Variants in CAMTA1 observed in about 807,000 individuals in gnomAD.
CAMTA1 encodes calmodulin-binding transcription activator 1.
CAMTA1 carries 27 observed loss-of-function variants against 170.9 expected under a neutral mutation model. That is an observed-to-expected ratio of 0.16 (90% confidence interval 0.12 to 0.22). The LOEUF (loss-of-function observed/expected upper bound fraction) is 0.22. Ranked by LOEUF, CAMTA1 falls within the 10% of genes least tolerant of loss-of-function variation. The pLI, the probability that CAMTA1 is intolerant of heterozygous loss-of-function variation, is 1.00. For synonymous variants in CAMTA1, 833 were observed against 891.5 expected (o/e 0.93, Z 1.17); for missense variants, 1,619 against 2,217.2 (o/e 0.73, Z 5.42).
At chr1:7,433,614 G>A (rs1409884056) in intron 5 of CAMTA1, among the ~76,000 whole-genome samples, 4 of 152,248 alleles carry the variant, frequency 2.6e-5, no homozygotes, top group Non-Finnish European at 4.4e-5. Context: ...GGAACCCCCA[G>A]AGAACACTGC....
chr1:7,525,090 C>T (rs956372813), intron 6 of CAMTA1, among the ~76,000 whole-genome samples: 1 of 152,216 alleles, frequency 6.6e-6, no homozygotes, highest in Non-Finnish European at 1.5e-5. Flanking sequence ...CGGCCCCCGT[C>T]GCGCTGCATG....
chr1:7,109,145 G>A (rs1332393624), intron 4 of CAMTA1, among the ~76,000 whole-genome samples: 1 of 152,216 alleles, frequency 6.6e-6, no homozygotes, highest in African/African-American at 2.4e-5. Flanking sequence ...GAGTCTTTTT[G>A]AAAATAAATC....
intron 3 of CAMTA1, among the ~76,000 whole-genome samples, chr1:6,902,565 G>A (rs766644718): frequency 3.3e-5 from 5 of 152,192 alleles, no homozygotes; most frequent in Admixed American, 6.5e-5. Flanking sequence ...TTACAGAAGA[G>A]CACAAGGGAA....
At chr1:7,280,363 C>T (rs1671332903) in intron 5 of CAMTA1, among the ~76,000 whole-genome samples, 1 of 152,214 alleles carries the variant, frequency 6.6e-6, no homozygotes, top group African/African-American at 2.4e-5. Context: ...TCCCAAGCTC[C>T]CTGCTTATAG....
intron 6 of CAMTA1, among the ~76,000 whole-genome samples, chr1:7,560,742 G>A (rs917106241): frequency 6.6e-6 from 1 of 152,160 alleles, no homozygotes; most frequent in Non-Finnish European, 1.5e-5. Flanking sequence ...TGGCTCATGC[G>A]ACTGCCTAGG....
intron 4 of CAMTA1, among the ~76,000 whole-genome samples, chr1:7,095,226 C>A (rs2148177773): frequency 6.6e-6 from 1 of 152,286 alleles, no homozygotes; most frequent in Admixed American, 6.5e-5. Flanking sequence ...GGGGCTTGTT[C>A]ATGGGGCACC....
At chr1:6,825,050 T>C (rs766952396) in intron 2 of CAMTA1, 42 bp from the exon 3 acceptor site, 1 of 1,192,350 alleles carries the variant, frequency 8.4e-7, no homozygotes, top group Non-Finnish European at 1.2e-6. Flanking sequence ...AAGGAGATTT[T>C]ATCTATTATT....
chr1:7,116,329 T>A (rs1644326329), intron 4 of CAMTA1, among the ~76,000 whole-genome samples: 1 of 152,236 alleles, frequency 6.6e-6, no homozygotes, highest in Non-Finnish European at 1.5e-5. Flanking sequence ...TAAGTGAGTA[T>A]GGACTTACCA....
rs2094109536 is a variant in CAMTA1 at position 7,506,379 on chromosome 1, C to T, written c.510+38478C>T. ...GGAAGGTTGGAGGTTTGGGCTTCCT[C>T]AACCCACCACCGGACACCTGTGCAC... On this transcript the variant is annotated intron_variant, in intron 6 of 22. Coordinates refer to ENST00000303635, the MANE Select transcript of CAMTA1 (RefSeq NM_015215.4). 1.3e-5 allele frequency among the ~76,000 whole-genome samples: 2 copies of T among 152,176 alleles called. 1 individual carries two copies. Among genetic ancestry groups the T allele is most frequent in the African/African-American group, 4.8e-5 (2 of 41,420 alleles).
At chr1:7,568,496 TCAC>T (rs1485570279) in intron 6 of CAMTA1, among the ~76,000 whole-genome samples, 14 of 145,064 alleles carry the variant, frequency 9.7e-5, no homozygotes, top group Admixed American at 4.8e-4. Context: ...ACCATCATCA[TCAC>T]CACATCACCA....
chr1:6,985,892 A>C (rs547684377), intron 3 of CAMTA1, among the ~76,000 whole-genome samples: 1 of 152,194 alleles, frequency 6.6e-6, no homozygotes, highest in African/African-American at 2.4e-5. Context: ...TAGATTTATT[A>C]TGCTTGGGAT....
chr1:7,382,021 G>T (rs892977439), intron 5 of CAMTA1, among the ~76,000 whole-genome samples: 27 of 152,308 alleles, frequency 1.8e-4, no homozygotes, highest in African/African-American at 6.0e-4. Context: ...GTCCTCAATA[G>T]ATAGCCTTCA....
At chr1:7,672,001 G>C (rs2096064488) in intron 10 of CAMTA1, 1 of 456,060 alleles carries the variant, frequency 2.2e-6, no homozygotes, top group African/African-American at 2.0e-5. Flanking sequence ...CATGTCTTCT[G>C]CTCCTGGGCT....
chr1:7,176,324 C>T (rs534289175), intron 4 of CAMTA1, among the ~76,000 whole-genome samples: 1 of 152,334 alleles, frequency 6.6e-6, no homozygotes, highest in East Asian at 1.9e-4. Flanking sequence ...ACACTCAAGG[C>T]ATTCTGAGCT....
intron 6 of CAMTA1, among the ~76,000 whole-genome samples, chr1:7,591,112 T>C (rs958164426): frequency 2.6e-5 from 4 of 152,098 alleles, no homozygotes; most frequent in Non-Finnish European, 1.5e-5. Context: ...ACTCCGAAAC[T>C]GAAGTATTTC....
At chr1:7,737,177 A>G (rs2096778856) in intron 14 of CAMTA1, 78 bp from the exon 15 acceptor site, 5 of 1,466,002 alleles carry the variant, frequency 3.4e-6, no homozygotes, top group Non-Finnish European at 4.7e-6. Flanking sequence ...CCAGTTTGTC[A>G]GTTGGCAGCA....
intron 5 of CAMTA1, among the ~76,000 whole-genome samples, chr1:7,380,076 G>A (rs2087166687): frequency 6.6e-6 from 1 of 152,158 alleles, no homozygotes. Flanking sequence ...AGAATTTGAG[G>A]AAATTATTAC....
chr1:6,813,480 GT>G (rs560680567), intron 1 of CAMTA1, among the ~76,000 whole-genome samples: 2,258 of 131,336 alleles, frequency 0.017, 22 homozygotes, highest in African/African-American at 0.032. Flanking sequence ...CTCCTTTTAA[GT>G]TTTTTTTTTT....
At chr1:7,206,083 C>T (rs1177357400) in intron 4 of CAMTA1, among the ~76,000 whole-genome samples, 1 of 152,164 alleles carries the variant, frequency 6.6e-6, no homozygotes, top group Non-Finnish European at 1.5e-5. Flanking sequence ...CACCAGTATA[C>T]ACTGTTTTAA....
Sources: allele counts gnomAD v4.1 joint callset (sites outside exome capture counted in the v4.1 genomes callset), GRCh38; gene constraint gnomAD v4.1.1; transcripts MANE v1.5; gene names NCBI Gene and HGNC (gene_info 2026-07-23, HGNC 2026-07-21).